GIPC2: variants seen among roughly 807,000 people sequenced by gnomAD.
GIPC2 encodes GIPC PDZ domain containing family member 2.
GIPC2 carries 30 observed loss-of-function variants against 30.6 expected under a neutral mutation model. The observed-to-expected ratio is 0.98, with a 90% CI of 0.73 to 1.33. GIPC2 has a LOEUF of 1.33. GIPC2 is among the 40% of genes most tolerant of loss of function. GIPC2 has a pLI of 0.00. For synonymous variants in GIPC2, 167 were observed against 150.0 expected (o/e 1.11, Z -0.83); for missense variants, 414 against 390.3 (o/e 1.06, Z -0.51).
intron 1 of GIPC2, among the ~76,000 whole-genome samples, chr1:78,078,321 A>G (rs1661757554): frequency 6.6e-6 from 1 of 151,820 alleles, no homozygotes; most frequent in South Asian, 2.1e-4. Flanking sequence ...ATAGTTGTGC[A>G]TTGATACTGT....
chr1:78,105,692 G>A (rs1662337677), intron 3 of GIPC2, among the ~76,000 whole-genome samples: 1 of 152,142 alleles, frequency 6.6e-6, no homozygotes, highest in African/African-American at 2.4e-5. Context: ...AAACAGCAAT[G>A]TGAGATGAAG....
At position 78,080,762 on chromosome 1, in the gene GIPC2, C is replaced by A. The variant is rs759983577; in HGVS notation, c.328C>A (p.His110Asn). 6.2e-7 allele frequency: 1 copy of A among 1,606,726 alleles called. No homozygotes were observed. Among genetic ancestry groups the A allele is most frequent in the African/African-American group, 1.3e-5 (1 of 74,756 alleles). Residue 110 changes from histidine (H) to asparagine (N), a missense_variant, in exon 2 of 6, where the codon CAT becomes AAT. Physicochemically the swap from His to Asn is moderately conservative, Grantham distance 68. Coordinates refer to ENST00000370759, the MANE Select transcript of GIPC2 (RefSeq NM_017655.6). ...AGGACTAGAAGATTTCATATTTGCC[C>A]ATGTGAAAGGAATCGAAAAAGAAGT... ...QLGLEDFIFA[H>N]VKGIEKEVNV...
intron 3 of GIPC2, among the ~76,000 whole-genome samples, chr1:78,115,497 C>T (rs574651594): frequency 6.6e-6 from 1 of 152,350 alleles, no homozygotes; most frequent in South Asian, 2.1e-4. Context: ...ATATACATGA[C>T]TCTGGGCTGG....
intron 4 of GIPC2, among the ~76,000 whole-genome samples, chr1:78,121,693 G>A (rs758867620): frequency 9.2e-5 from 14 of 152,180 alleles, no homozygotes; most frequent in Admixed American, 7.2e-4. Context: ...GTTTTGAAAA[G>A]GAGATATGAT....
chr1:78,104,868 A>G (rs534897687), intron 3 of GIPC2, among the ~76,000 whole-genome samples: 4 of 152,336 alleles, frequency 2.6e-5, no homozygotes, highest in South Asian at 4.1e-4. Flanking sequence ...TTGGCAAAGT[A>G]AGTGTACACA....
rs558332255 is a variant in GIPC2 at position 78,098,941 on chromosome 1, A to G, written c.607+3809A>G. On this transcript the variant is annotated intron_variant, in intron 3 of 5. Transcript: ENST00000370759. ...TAGAACTCTGAGAAAATAAATTTCT[A>G]TTGTTTAAGCCACCTAGTCTATGGT... is the stretch of plus-strand genomic sequence containing the variant. Among the ~76,000 whole-genome samples the G allele has an allele frequency of 3.1e-4, 47 of 152,274 alleles. No individual in the cohort carries two copies. In the South Asian group the frequency reaches 4.4e-3, roughly 14 times the overall value.
At chr1:78,045,126 T>C, upstream of GIPC2, 1 of 928,962 alleles carries the variant, frequency 1.1e-6, no homozygotes, top group South Asian at 5.0e-5. Context: ...ATTACTTGTA[T>C]TTGGTAATTA....
chr1:78,063,057 A>T (rs1661423835), intron 1 of GIPC2, among the ~76,000 whole-genome samples: 1 of 152,230 alleles, frequency 6.6e-6, no homozygotes, highest in African/African-American at 2.4e-5. Context: ...GCTTCCTCTA[A>T]TAACAAATAT....
chr1:78,097,468 C>T (rs1662158946), intron 3 of GIPC2, among the ~76,000 whole-genome samples: 1 of 152,122 alleles, frequency 6.6e-6, no homozygotes, highest in Non-Finnish European at 1.5e-5. Context: ...AAGACTTAGC[C>T]TGGAGAGGCA....
chr1:78,091,009 T>G lies in GIPC2; in HGVS notation c.427-3943T>G, dbSNP rs543293441. On this transcript the variant is annotated intron_variant, in intron 2 of 5. Transcript: ENST00000370759. Reference sequence around the variant, plus strand: ...AATTTCAGAGTTCAAAGGTGATAGATTATTTTGGACATTTATAACCCAAAA... The same window carrying G: ...AATTTCAGAGTTCAAAGGTGATAGAGTATTTTGGACATTTATAACCCAAAA... Among the ~76,000 whole-genome samples the G allele has an allele frequency of 4.6e-5, 7 of 152,334 alleles. No homozygotes were observed. In the South Asian group the frequency reaches 1.5e-3, roughly 32 times the overall value.
intron 5 of GIPC2, among the ~76,000 whole-genome samples, chr1:78,130,811 C>T (rs1662879436): frequency 6.6e-6 from 1 of 152,002 alleles, no homozygotes. Flanking sequence ...AGATTTTTAA[C>T]CGTAAATATC....
intron 1 of GIPC2, among the ~76,000 whole-genome samples, chr1:78,068,457 C>A (rs556733404): frequency 1.3e-5 from 2 of 152,332 alleles, no homozygotes; most frequent in African/African-American, 4.8e-5. Context: ...TTCCTTTTAT[C>A]CCATGCTGTC....
At chr1:78,078,187 CAAAAAA>C in intron 1 of GIPC2, among the ~76,000 whole-genome samples, 1 of 65,094 alleles carries the variant, frequency 1.5e-5, no homozygotes, top group East Asian at 5.5e-4. Context: ...GACTCCATCT[CAAAAAA>C]AAAAAAAAAA....
At chr1:78,087,388 C>T (rs958838345) in intron 2 of GIPC2, among the ~76,000 whole-genome samples, 5 of 152,090 alleles carry the variant, frequency 3.3e-5, no homozygotes, top group African/African-American at 1.2e-4. Context: ...GGTACTTGTA[C>T]AAAAACAGGC....
chr1:78,051,083 T>A (rs1661189371), intron 1 of GIPC2, among the ~76,000 whole-genome samples: 1 of 151,824 alleles, frequency 6.6e-6, no homozygotes, highest in African/African-American at 2.4e-5. Flanking sequence ...TTCTCTATTA[T>A]GTGGAAATAT....
At chr1:78,091,733 A>G (rs1025692544) in intron 2 of GIPC2, 2 of 775,258 alleles carry the variant, frequency 2.6e-6, no homozygotes, top group Non-Finnish European at 4.8e-6. Flanking sequence ...TGCATACAAG[A>G]ATGTTAAATT....
chr1:78,119,758 A>G (rs1469953952), intron 4 of GIPC2, among the ~76,000 whole-genome samples: 1 of 152,180 alleles, frequency 6.6e-6, no homozygotes, highest in Non-Finnish European at 1.5e-5. Flanking sequence ...AAGTCAACCA[A>G]AGCTCTCTGA....
chr1:78,065,295 A>T (rs1232358427), intron 1 of GIPC2, among the ~76,000 whole-genome samples: 1 of 152,172 alleles, frequency 6.6e-6, no homozygotes, highest in Non-Finnish European at 1.5e-5. Flanking sequence ...CCAAATCAGG[A>T]ATGCAATTTC....
chr1:78,077,954 C>T (rs1661746019), intron 1 of GIPC2, among the ~76,000 whole-genome samples: 1 of 151,692 alleles, frequency 6.6e-6, no homozygotes, highest in Non-Finnish European at 1.5e-5. Context: ...TTTGGGAGGC[C>T]GAGGCGGGCG....
Sources: allele counts gnomAD v4.1 joint callset (sites outside exome capture counted in the v4.1 genomes callset), GRCh38; gene constraint gnomAD v4.1.1; transcripts MANE v1.5; gene names NCBI Gene and HGNC (gene_info 2026-07-23, HGNC 2026-07-21).